The following GRIN2A variants were observed in gnomAD, a reference collection of about 807,000 sequenced individuals.
GRIN2A encodes glutamate ionotropic receptor NMDA type subunit 2A.
Under a neutral mutation model 113.4 loss-of-function variants are expected in GRIN2A, and 22 were observed. The observed-to-expected ratio is 0.19, with a 90% CI of 0.14 to 0.28. GRIN2A has a LOEUF of 0.28. Ranked by LOEUF, GRIN2A falls within the 10% of genes least tolerant of loss-of-function variation. The pLI is 1.00. For missense variants in GRIN2A, 1,502 were observed against 1,887.0 expected (o/e 0.80, Z 3.78); for synonymous variants, 827 against 738.4 (o/e 1.12, Z -1.94).
chr16:9,970,306 C>T (rs571997997), intron 2 of GRIN2A, among the ~76,000 whole-genome samples: 1 of 152,120 alleles, frequency 6.6e-6, no homozygotes, highest in Non-Finnish European at 1.5e-5. Context: ...TTTTCTTAGC[C>T]CTGGAGCTTG....
intron 2 of GRIN2A, among the ~76,000 whole-genome samples, chr16:10,080,617 G>A (rs952531505): frequency 3.9e-5 from 6 of 152,120 alleles, no homozygotes; most frequent in East Asian, 1.9e-4. Context: ...ATTTCTCCAC[G>A]GCAGCAGCTA....
intron 3 of GRIN2A, among the ~76,000 whole-genome samples, chr16:9,914,904 GCTTTTTTT>G (rs2044212952): frequency 6.2e-5 from 3 of 48,716 alleles, no homozygotes; most frequent in Admixed American, 3.2e-4. Flanking sequence ...TGATTATGCA[GCTTTTTTT>G]TTTTTTTTTT....
chr16:10,025,865 A>G (rs1214179677), intron 2 of GRIN2A, among the ~76,000 whole-genome samples: 1 of 152,178 alleles, frequency 6.6e-6, no homozygotes, highest in Non-Finnish European at 1.5e-5. Context: ...GACTTTAGAC[A>G]GGATTGCAAT....
At chr16:9,819,030 TA>T (rs2042234291) in intron 10 of GRIN2A, among the ~76,000 whole-genome samples, 1 of 152,176 alleles carries the variant, frequency 6.6e-6, no homozygotes, top group Non-Finnish European at 1.5e-5. Flanking sequence ...TATGACTCTA[TA>T]AAAAATAACT....
intron 2 of GRIN2A, among the ~76,000 whole-genome samples, chr16:10,150,139 G>A (rs1176373821): frequency 6.6e-6 from 1 of 152,256 alleles, no homozygotes; most frequent in Non-Finnish European, 1.5e-5. Context: ...TTGGACAACA[G>A]TGGGTTACAG....
chr16:9,767,912 G>A (rs1901018463), intron 12 of GRIN2A, among the ~76,000 whole-genome samples: 1 of 152,136 alleles, frequency 6.6e-6, no homozygotes, highest in African/African-American at 2.4e-5. Flanking sequence ...GTTTTGTTGG[G>A]CATGTTCTGT....
intron 2 of GRIN2A, among the ~76,000 whole-genome samples, chr16:9,979,574 C>T (rs2045846060): frequency 2.0e-5 from 3 of 152,024 alleles, no homozygotes; most frequent in Admixed American, 2.0e-4. Flanking sequence ...TGCTTATTAC[C>T]TCCCCCATAA....
chr16:10,135,874 A>C (rs1448815528), intron 2 of GRIN2A, among the ~76,000 whole-genome samples: 2 of 151,914 alleles, frequency 1.3e-5, no homozygotes, highest in African/African-American at 4.8e-5. Context: ...CCTACAAAAC[A>C]CCTTCACAAC....
At chr16:9,952,223 C>G (rs528142920) in intron 2 of GRIN2A, among the ~76,000 whole-genome samples, 4 of 152,172 alleles carry the variant, frequency 2.6e-5, no homozygotes, top group East Asian at 1.9e-4. Flanking sequence ...AAAGAAAGCT[C>G]AGGGCACCAA....
chr16:9,826,262 C>T (rs1483636615), intron 9 of GRIN2A, among the ~76,000 whole-genome samples: 1 of 152,182 alleles, frequency 6.6e-6, no homozygotes. Flanking sequence ...ATTGCTCTTC[C>T]CACAACATAA....
intron 7 of GRIN2A, among the ~76,000 whole-genome samples, chr16:9,834,781 T>C (rs1362868316): frequency 2.0e-5 from 3 of 152,244 alleles, no homozygotes; most frequent in East Asian, 3.9e-4. Flanking sequence ...GAGAAGAGCA[T>C]AGGACATTTT....
intron 2 of GRIN2A, among the ~76,000 whole-genome samples, chr16:10,122,284 T>C (rs28561447): frequency 0.18 from 27,237 of 152,206 alleles, 2,663 homozygotes; most frequent in African/African-American, 0.22. Flanking sequence ...AGATCCCCTT[T>C]TTTAGCATCA....
At chr16:9,776,085 T>C (rs186502910) in intron 11 of GRIN2A, among the ~76,000 whole-genome samples, 2 of 152,312 alleles carry the variant, frequency 1.3e-5, no homozygotes, top group Admixed American at 1.3e-4. Context: ...CAAGGATTCA[T>C]TGTAAACTGT....
chr16:9,844,810 C>G (rs1025308117), intron 5 of GRIN2A, among the ~76,000 whole-genome samples: 2 of 152,164 alleles, frequency 1.3e-5, no homozygotes, highest in Non-Finnish European at 2.9e-5. Flanking sequence ...ATGGCCATTT[C>G]TCGCTACACA....
intron 11 of GRIN2A, among the ~76,000 whole-genome samples, chr16:9,792,891 C>G (rs933946074): frequency 1.8e-4 from 27 of 152,208 alleles, no homozygotes; most frequent in African/African-American, 6.3e-4. Context: ...GAATTGGACT[C>G]AGATGAACTA....
At chr16:9,877,388 C>A (rs2043389005) in intron 4 of GRIN2A, among the ~76,000 whole-genome samples, 2 of 152,070 alleles carry the variant, frequency 1.3e-5, no homozygotes, top group Non-Finnish European at 2.9e-5. Context: ...CAAATGGAAG[C>A]TCACTTTGAA....
chr16:9,769,340 G>T (rs1406272099), intron 11 of GRIN2A: 2 of 186,986 alleles, frequency 1.1e-5, no homozygotes, highest in South Asian at 1.2e-4. Flanking sequence ...TATATAGAGA[G>T]AGAGTATAGC....
chr16:10,047,868 C>T (rs1400147276), intron 2 of GRIN2A, among the ~76,000 whole-genome samples: 2 of 152,300 alleles, frequency 1.3e-5, no homozygotes, highest in East Asian at 3.9e-4. Context: ...CAGAGCTTAC[C>T]TGCAGGGTTA....
chr16:10,072,120 A>G lies in GRIN2A; in HGVS notation c.414+107878T>C, dbSNP rs2047764393. ...CTTGGAAACATCCATAGCTCCTTCA[A>G]TGAGCCCAGGACAATCTTTCACCAT... On this transcript the variant is annotated intron_variant, in intron 2 of 12. Transcript: ENST00000330684. 3.3e-5 allele frequency among the ~76,000 whole-genome samples: 5 copies of G among 152,230 alleles called. No homozygotes were observed. The South Asian group carries it at 8.3e-4, about 25-fold the overall frequency.
Sources: gnomAD v4.1 joint callset for allele counts (sites outside exome capture counted in the v4.1 genomes callset) on GRCh38, gnomAD v4.1.1 for gene constraint, MANE v1.5 for transcripts, NCBI Gene and HGNC (gene_info 2026-07-23, HGNC 2026-07-21) for gene names.